The following USH2A variants were observed in gnomAD, a reference collection of about 807,000 sequenced individuals.
USH2A encodes Usher syndrome 2A (autosomal recessive, mild).
In USH2A, 443 loss-of-function variants were observed where a neutral mutation model predicts 538.9. The ratio of observed to expected loss-of-function variants is 0.82; its 90% confidence interval spans 0.76 to 0.89. The LOEUF (loss-of-function observed/expected upper bound fraction) is 0.89. USH2A is among the 40% of genes least tolerant of loss of function. The pLI is 0.00. For synonymous variants in USH2A, 2,413 were observed against 2,273.5 expected (o/e 1.06, Z -1.75); for missense variants, 6,633 against 6,324.8 (o/e 1.05, Z -1.65).
intron 58 of USH2A, among the ~76,000 whole-genome samples, chr1:215,757,022 C>T (rs993898467): frequency 1.3e-5 from 2 of 151,746 alleles, no homozygotes; most frequent in African/African-American, 4.8e-5. Flanking sequence ...TATATATTTC[C>T]CACAGCAGAA....
chr1:216,078,395 AT>A (rs2031827451), intron 26 of USH2A, 33 bp from the exon 27 acceptor site: 1 of 1,606,450 alleles, frequency 6.2e-7, no homozygotes, highest in Non-Finnish European at 8.5e-7. Context: ...AAGTAGGTAT[AT>A]AAAAAGGCTG....
At chr1:216,147,733 C>T (rs543793580) in intron 21 of USH2A, among the ~76,000 whole-genome samples, 1 of 151,060 alleles carries the variant, frequency 6.6e-6, no homozygotes, top group South Asian at 2.1e-4. Context: ...CAAACCCCAG[C>T]CACATCTCCA....
intron 19 of USH2A, among the ~76,000 whole-genome samples, chr1:216,196,106 C>A (rs886436295): frequency 1.3e-5 from 2 of 152,006 alleles, no homozygotes; most frequent in African/African-American, 2.4e-5. Flanking sequence ...AAATTCAATT[C>A]TTCAGATTTT....
chr1:215,782,090 T>C lies in USH2A; in HGVS notation c.10692A>G (p.Ser3564=), dbSNP rs1661659716. 6.2e-7 allele frequency: 1 copy of C among 1,613,992 alleles called. No homozygotes were observed. Among genetic ancestry groups the C allele is most frequent in the Non-Finnish European group, 8.5e-7 (1 of 1,179,894 alleles). ...CAACCGTGCAAGCTTTCAGCTGATA[T>C]GAATATTCCTGAAATGGTTGAATTC... is the stretch of plus-strand genomic sequence containing the variant. ...KEGIQPFQEY[S]YQLKACTVAG... Residue 3564 remains serine (S), a synonymous_variant, in exon 54 of 72, where the codon TCA becomes TCG. Coordinates refer to ENST00000307340, the MANE Select transcript of USH2A (RefSeq NM_206933.4).
At chr1:216,026,839 C>T (rs963568906) in intron 32 of USH2A, among the ~76,000 whole-genome samples, 53 of 152,228 alleles carry the variant, frequency 3.5e-4, no homozygotes, top group African/African-American at 1.1e-3. Flanking sequence ...TGTCTACAAG[C>T]ACCAGGTCAA....
At chr1:216,136,018 G>A (rs901264647) in intron 21 of USH2A, among the ~76,000 whole-genome samples, 5 of 152,068 alleles carry the variant, frequency 3.3e-5, no homozygotes, top group Non-Finnish European at 5.9e-5. Context: ...TGTAATAAGT[G>A]TGAAGACAAA....
At chr1:215,680,528 A>T (rs1658192890) in intron 61 of USH2A, 152 bp from the exon 62 acceptor site, 2 of 742,716 alleles carry the variant, frequency 2.7e-6, no homozygotes. Flanking sequence ...TTAAGAAAAC[A>T]ACGCATTTTT....
intron 16 of USH2A, among the ~76,000 whole-genome samples, chr1:216,203,331 A>G (rs534820229): frequency 4.6e-5 from 7 of 152,172 alleles, no homozygotes; most frequent in African/African-American, 1.7e-4. Context: ...AGTTTAATTT[A>G]TGTTAGGCAG....
chr1:215,835,705 C>T (rs1663459390), intron 47 of USH2A, among the ~76,000 whole-genome samples: 1 of 152,144 alleles, frequency 6.6e-6, no homozygotes. Flanking sequence ...ATCCTTAAAA[C>T]TTCTAAGTGC....
chr1:215,705,487 G>T (rs1174204029), intron 61 of USH2A, among the ~76,000 whole-genome samples: 2 of 152,228 alleles, frequency 1.3e-5, no homozygotes, highest in Non-Finnish European at 2.9e-5. Flanking sequence ...GCCATCTACA[G>T]TGATTATAAG....
At chr1:216,119,782 A>G (rs1204176308) in intron 21 of USH2A, among the ~76,000 whole-genome samples, 1 of 152,162 alleles carries the variant, frequency 6.6e-6, no homozygotes, top group Admixed American at 6.5e-5. Context: ...GATACAAACC[A>G]TTAACAGTGC....
intron 49 of USH2A, among the ~76,000 whole-genome samples, chr1:215,805,724 T>C (rs1662481109): frequency 6.6e-6 from 1 of 152,000 alleles, no homozygotes; most frequent in Non-Finnish European, 1.5e-5. Flanking sequence ...TAACTTCCCA[T>C]AAAACAGAAG....
intron 61 of USH2A, among the ~76,000 whole-genome samples, chr1:215,722,574 C>A (rs1287324802): frequency 6.6e-6 from 1 of 152,056 alleles, no homozygotes; most frequent in African/African-American, 2.4e-5. Context: ...AGGAAACAAA[C>A]CCTTGAGGAA....
intron 9 of USH2A, among the ~76,000 whole-genome samples, chr1:216,298,512 A>T (rs531386518): frequency 6.6e-6 from 1 of 152,314 alleles, no homozygotes; most frequent in Admixed American, 6.5e-5. Flanking sequence ...GCCAAAGACA[A>T]ATTTTACCAG....
intron 35 of USH2A, among the ~76,000 whole-genome samples, chr1:215,989,151 G>A (rs1667948028): frequency 1.3e-5 from 2 of 152,194 alleles, no homozygotes; most frequent in African/African-American, 4.8e-5. Flanking sequence ...TAGAAATTGA[G>A]TTTAATTTTT....
chr1:215,954,664 T>A (rs146405568), intron 37 of USH2A, among the ~76,000 whole-genome samples: 3,186 of 151,892 alleles, frequency 0.021, 69 homozygotes, highest in South Asian at 0.082. Context: ...TGTATACATA[T>A]GTAACTAACC....
intron 21 of USH2A, among the ~76,000 whole-genome samples, chr1:216,146,884 G>A (rs1346461175): frequency 6.6e-6 from 1 of 151,976 alleles, no homozygotes; most frequent in Non-Finnish European, 1.5e-5. Flanking sequence ...ACTCACACCT[G>A]ACCTAAAACC....
intron 3 of USH2A, among the ~76,000 whole-genome samples, chr1:216,372,208 G>A (rs1034186560): frequency 8.5e-4 from 130 of 152,250 alleles, no homozygotes; most frequent in African/African-American, 3.0e-3. Flanking sequence ...ACACAGGTAT[G>A]CCCCTCAAAG....
chr1:216,019,672 T>C (rs1361827363), intron 32 of USH2A, among the ~76,000 whole-genome samples: 1 of 152,206 alleles, frequency 6.6e-6, no homozygotes, highest in Non-Finnish European at 1.5e-5. Flanking sequence ...GCTTCTTGGA[T>C]ACTTGCTCTA....
Sources: allele counts gnomAD v4.1 joint callset (sites outside exome capture counted in the v4.1 genomes callset), GRCh38; gene constraint gnomAD v4.1.1; transcripts MANE v1.5; gene names NCBI Gene and HGNC (gene_info 2026-07-23, HGNC 2026-07-21).